Variants in PEPD observed in about 807,000 individuals in gnomAD.
PEPD encodes the protein xaa-Pro dipeptidase.
A neutral mutation model predicts 60.7 loss-of-function variants in PEPD; 53 were observed. That is an observed-to-expected ratio of 0.87 (90% CI 0.70 to 1.10). The LOEUF (loss-of-function observed/expected upper bound fraction) is 1.10. Among genes scored for constraint, PEPD ranks in the 50% least tolerant of loss-of-function variants. PEPD has a pLI of 0.00. For synonymous variants in PEPD, 267 were observed against 284.1 expected, an observed-to-expected ratio of 0.94 and a Z score of 0.60; for missense variants, 711 against 711.9, an observed-to-expected ratio of 1.00 and a Z score of 0.01.
chr19:33,478,720 C>T (rs1452488619), intron 6 of PEPD, among the ~76,000 whole-genome samples: 11 of 151,110 alleles, frequency 7.3e-5, no homozygotes, highest in Non-Finnish European at 1.6e-4. Context: ...CCATATCCAG[C>T]AAAGCCATTA....
chr19:33,520,907 A>C (rs947661462), intron 1 of PEPD, among the ~76,000 whole-genome samples: 1 of 152,206 alleles, frequency 6.6e-6, no homozygotes, highest in Non-Finnish European at 1.5e-5. Flanking sequence ...CCAGCCCATC[A>C]GGGCAAAGTC....
chr19:33,393,183 G>A, intron 12 of PEPD, among the ~76,000 whole-genome samples: 1 of 151,030 alleles, frequency 6.6e-6, no homozygotes, highest in Admixed American at 6.6e-5. Flanking sequence ...GGTCTGGCGT[G>A]GGGGAGGCCG....
At chr19:33,511,195 T>C (rs749071044) in intron 2 of PEPD, 40 bp from the exon 3 acceptor site, 5 of 1,612,364 alleles carry the variant, frequency 3.1e-6, no homozygotes, top group East Asian at 4.5e-5. Flanking sequence ...CAGTGGAACA[T>C]GAGGTGCAAG....
chr19:33,405,412 C>A (rs1968598079), intron 11 of PEPD, among the ~76,000 whole-genome samples: 1 of 152,246 alleles, frequency 6.6e-6, no homozygotes, highest in Admixed American at 6.5e-5. Context: ...CTGTTCAATC[C>A]AACAGTTTAC....
intron 9 of PEPD, among the ~76,000 whole-genome samples, chr19:33,421,628 C>A (rs935337471): frequency 8.6e-5 from 13 of 151,944 alleles, no homozygotes; most frequent in African/African-American, 3.1e-4. Context: ...GTAGCTGGGA[C>A]TACAGACATG....
chr19:33,443,342 T>G (rs763307409), intron 9 of PEPD, among the ~76,000 whole-genome samples: 4 of 152,198 alleles, frequency 2.6e-5, no homozygotes, highest in Non-Finnish European at 4.4e-5. Context: ...GACATTTGGA[T>G]TCTTTTCCAC....
chr19:33,497,746 G>A (rs972688569), intron 4 of PEPD, among the ~76,000 whole-genome samples: 4 of 152,150 alleles, frequency 2.6e-5, no homozygotes, highest in African/African-American at 9.7e-5. Flanking sequence ...CAGGCCCTGG[G>A]TACCTCAAGC....
intron 3 of PEPD, among the ~76,000 whole-genome samples, chr19:33,508,795 T>C (rs899456203): frequency 6.6e-6 from 1 of 152,116 alleles, no homozygotes; most frequent in African/African-American, 2.4e-5. Flanking sequence ...AGAAGGGAAA[T>C]AGATGTCACC....
rs116520448 is a variant in PEPD, at chr19:33,444,059, G to A, written c.671+18936C>T. On this transcript the variant is annotated intron_variant, in intron 9 of 14. Coordinates refer to ENST00000244137, the MANE Select transcript of PEPD (RefSeq NM_000285.4). The stretch of plus-strand genomic sequence containing the variant: ...GGGTGTATATATCACACGCACTTAC[G>A]TTCGTACATGGGTGCGCGCACACAT... Among the ~76,000 whole-genome samples, 605 of 152,254 alleles carry A rather than the reference G, an allele frequency of 4.0e-3. 3 individuals carry two copies. Among genetic ancestry groups the A allele is most frequent in the African/African-American group, 0.014 (582 of 41,554 alleles).
At chr19:33,392,066 G>A (rs1187708543) in intron 12 of PEPD, among the ~76,000 whole-genome samples, 2 of 152,244 alleles carry the variant, frequency 1.3e-5, no homozygotes, top group South Asian at 2.1e-4. Context: ...TTTCTGGGGA[G>A]AAGGTGCGGC....
intron 6 of PEPD, chr19:33,486,867 T>TG (rs148998380): frequency 0.089 from 13,665 of 152,766 alleles, 636 homozygotes; most frequent in East Asian, 0.13. Flanking sequence ...TAAGGGGAGC[T>TG]GGGGGGGCCC....
At chr19:33,452,159 C>T (rs1969711102) in intron 9 of PEPD, among the ~76,000 whole-genome samples, 1 of 152,158 alleles carries the variant, frequency 6.6e-6, no homozygotes, top group Non-Finnish European at 1.5e-5. Flanking sequence ...CATTCTCTAG[C>T]TCCAATGGTG....
At chr19:33,442,470 G>C (rs1309802174) in intron 9 of PEPD, among the ~76,000 whole-genome samples, 2 of 151,232 alleles carry the variant, frequency 1.3e-5, no homozygotes, top group Non-Finnish European at 2.9e-5. Flanking sequence ...GGAGGCTGAG[G>C]CGGGTAGATC....
chr19:33,474,837 G>A (rs1970187446), intron 7 of PEPD, among the ~76,000 whole-genome samples: 1 of 152,000 alleles, frequency 6.6e-6, no homozygotes, highest in African/African-American at 2.4e-5. Flanking sequence ...AAAATTAGCT[G>A]GATGTGGTGG....
At chr19:33,421,844 C>T (rs1015907960) in intron 9 of PEPD, among the ~76,000 whole-genome samples, 1 of 152,060 alleles carries the variant, frequency 6.6e-6, no homozygotes, top group Non-Finnish European at 1.5e-5. Context: ...ACCACTTCTC[C>T]GCACCACCAC....
rs114756442 is a variant in PEPD at position 33,505,996 on chromosome 19, C to T, written c.330-4995G>A. Among the ~76,000 whole-genome samples the T allele has an allele frequency of 4.7e-3, 703 of 148,722 alleles. 5 individuals are homozygous for T. The highest frequency in any genetic ancestry group is 0.017 in the African/African-American group (681 of 40,154). ...ACCCCATCACAAACACCTTACACAT[C>T]ACTCACACACCCTCATCATACCCTA... On this transcript the variant is annotated intron_variant, in intron 3 of 14. Coordinates refer to ENST00000244137, the MANE Select transcript of PEPD (RefSeq NM_000285.4).
chr19:33,417,231 T>C, intron 9 of PEPD, among the ~76,000 whole-genome samples: 1 of 152,232 alleles, frequency 6.6e-6, no homozygotes, highest in East Asian at 1.9e-4. Flanking sequence ...CATCATTCCC[T>C]TTCCCCGGCT....
intron 11 of PEPD, among the ~76,000 whole-genome samples, chr19:33,406,705 G>A (rs985913564): frequency 1.3e-5 from 2 of 152,212 alleles, no homozygotes; most frequent in Admixed American, 6.5e-5. Flanking sequence ...GATGGTGGCA[G>A]ACAGACTCAG....
intron 9 of PEPD, among the ~76,000 whole-genome samples, chr19:33,452,546 CA>C (rs553150017): frequency 9.7e-4 from 147 of 151,720 alleles, no homozygotes; most frequent in African/African-American, 3.5e-3. Context: ...AAAACTCTAG[CA>C]ATTATAATCC....
Sources: gnomAD v4.1 joint callset for allele counts (sites outside exome capture counted in the v4.1 genomes callset) on GRCh38, gnomAD v4.1.1 for gene constraint, MANE v1.5 for transcripts, NCBI Gene and HGNC (gene_info 2026-07-23, HGNC 2026-07-21) for gene names.